Variants in NRIP3 observed in about 807,000 individuals in gnomAD.
NRIP3 encodes nuclear receptor-interacting protein 3.
NRIP3 carries 31 observed loss-of-function variants against 29.0 expected under a neutral mutation model. The ratio of observed to expected loss-of-function variants is 1.07; its 90% confidence interval spans 0.80 to 1.44. The LOEUF (loss-of-function observed/expected upper bound fraction) is 1.44, where lower values mean the gene tolerates loss of function less well. Ranked by LOEUF, NRIP3 falls within the 40% of genes most tolerant of loss-of-function variation. The pLI is 0.00. For synonymous variants in NRIP3, 131 were observed against 118.3 expected, an observed-to-expected ratio of 1.11 and a Z score of -0.70; for missense variants, 314 against 297.9, an observed-to-expected ratio of 1.05 and a Z score of -0.40.
chr11:8,990,348 A>G (rs1335495937), intron 1 of NRIP3, among the ~76,000 whole-genome samples: 5 of 152,324 alleles, frequency 3.3e-5, no homozygotes, highest in East Asian at 1.9e-4. Context: ...TCCAAATACA[A>G]TAGACATTTT....
At chr11:8,993,549 C>T (rs1178055730) in intron 1 of NRIP3, among the ~76,000 whole-genome samples, 1 of 152,082 alleles carries the variant, frequency 6.6e-6, no homozygotes, top group Admixed American at 6.5e-5. Context: ...TGGCTTACAC[C>T]TGTAATCCCA....
intron 1 of NRIP3, among the ~76,000 whole-genome samples, chr11:8,991,174 G>A (rs894952456): frequency 3.3e-5 from 5 of 151,934 alleles, no homozygotes; most frequent in Non-Finnish European, 5.9e-5. Context: ...GGTGGTGGGC[G>A]CCTGTAGTCC....
chr11:8,983,422 T>G lies in NRIP3; in HGVS notation c.*123A>C, dbSNP rs1854454399. On this transcript the variant is annotated 3_prime_UTR_variant, in exon 7 of 7. Transcript: ENST00000309166. ...TGAATGGGAAGGAGCCCCTGGAGCT[T>G]CTATTAGATGGAAGGACTTGGTCCA... 1.2e-6 allele frequency: 1 copy of G among 814,892 alleles called. No individual in the cohort carries two copies. The highest frequency in any genetic ancestry group is 1.7e-5 in the African/African-American group (1 of 57,654). 50.5% of individuals were successfully genotyped at this position (814,892 alleles called of 1,614,324 possible). A position where few individuals can be genotyped will look rare whatever the true frequency, so the allele number is the denominator to read the frequency against.
chr11:8,981,517 C>T lies in NRIP3; in HGVS notation c.*2028G>A, dbSNP rs1292141057. 6.6e-6 allele frequency: 1 copy of T among 151,468 alleles called. No homozygotes were observed. The highest frequency in any genetic ancestry group is 2.4e-5 in the African/African-American group (1 of 41,082). 9.4% of individuals were successfully genotyped at this position (151,468 alleles called of 1,614,324 possible). A position where few individuals can be genotyped will look rare whatever the true frequency, so the allele number is the denominator to read the frequency against. On this transcript the variant is annotated 3_prime_UTR_variant, in exon 7 of 7. Coordinates refer to ENST00000309166, the MANE Select transcript of NRIP3 (RefSeq NM_020645.3). ...ACCAGCAGGAACCTTCAACATGCCT[C>T]ACTGTGGCTAAGAGTCAAGGCTCAG...
chr11:9,002,459 A>G (rs1217766715), intron 1 of NRIP3, among the ~76,000 whole-genome samples: 1 of 151,996 alleles, frequency 6.6e-6, no homozygotes, highest in Non-Finnish European at 1.5e-5. Flanking sequence ...ACAACTTGTA[A>G]AAAAAACAGA....
chr11:8,998,467 C>G (rs1854745398), intron 1 of NRIP3, among the ~76,000 whole-genome samples: 1 of 152,174 alleles, frequency 6.6e-6, no homozygotes, highest in Admixed American at 6.5e-5. Context: ...ACCAGATAAC[C>G]TGTAAAATTC....
rs1307321810 is a variant in NRIP3, at chr11:8,981,493, C to T, written c.*2052G>A. The T allele has an allele frequency of 6.9e-6, 1 of 144,180 alleles. No individual in the cohort carries two copies. The highest frequency in any genetic ancestry group is 2.5e-5 in the African/African-American group (1 of 39,330). The allele number at this position is 144,180 out of a possible 1,614,324, so 8.9% of individuals were successfully genotyped here. A position where few individuals can be genotyped will look rare whatever the true frequency, so the allele number is the denominator to read the frequency against. ...AAAAAAAAAAAAAAAAAAGAATAAA[C>T]CAGCAGGAACCTTCAACATGCCTCA... On this transcript the variant is annotated 3_prime_UTR_variant, in exon 7 of 7. Transcript: ENST00000309166.
At chr11:8,990,177 G>A (rs916187191) in intron 1 of NRIP3, among the ~76,000 whole-genome samples, 1 of 152,122 alleles carries the variant, frequency 6.6e-6, no homozygotes, top group Non-Finnish European at 1.5e-5. Flanking sequence ...TCCACAAAAT[G>A]TCAGATCCTG....
intron 3 of NRIP3, among the ~76,000 whole-genome samples, chr11:8,986,078 C>T (rs1340253295): frequency 6.6e-6 from 1 of 152,192 alleles, no homozygotes; most frequent in Non-Finnish European, 1.5e-5. Flanking sequence ...AACCTTACAT[C>T]ACTTATGTGT....
intron 3 of NRIP3, among the ~76,000 whole-genome samples, chr11:8,987,255 C>T (rs950804872): frequency 1.3e-5 from 2 of 152,150 alleles, no homozygotes; most frequent in Non-Finnish European, 2.9e-5. Flanking sequence ...GCAGGGCACA[C>T]AATGAGCCAG....
intron 1 of NRIP3, 61 bp downstream of exon 1, chr11:9,003,701 C>T (rs1417246072): frequency 3.7e-6 from 5 of 1,349,216 alleles, no homozygotes; most frequent in Admixed American, 3.9e-5. Context: ...ACGGCCGGGC[C>T]TCGGAAAACG....
rs1854403860 is a variant in NRIP3, at chr11:8,980,840, C to T, written c.*2705G>A. On this transcript the variant is annotated 3_prime_UTR_variant, in exon 7 of 7. Coordinates refer to ENST00000309166, the MANE Select transcript of NRIP3 (RefSeq NM_020645.3). ...TGTACCAGGTAGGGTCTGTGCAGGG[C>T]AAGAAAATAGAAAGAAGTCAGAAAA... 1 of 152,100 alleles carries T rather than the reference C, an allele frequency of 6.6e-6. No individual in the cohort carries two copies. Among genetic ancestry groups the T allele is most frequent in the African/African-American group, 2.4e-5 (1 of 41,418 alleles). The allele number at this position is 152,100 out of a possible 1,614,324, so 9.4% of individuals were successfully genotyped here.
intron 1 of NRIP3, among the ~76,000 whole-genome samples, chr11:9,000,963 G>C (rs745616703): frequency 6.6e-6 from 1 of 152,070 alleles, no homozygotes; most frequent in Non-Finnish European, 1.5e-5. Context: ...TAGCTACTCA[G>C]GAGGTTGAGG....
intron 4 of NRIP3, among the ~76,000 whole-genome samples, chr11:8,984,553 G>A (rs139863013): frequency 0.026 from 3,936 of 152,160 alleles, 179 homozygotes; most frequent in African/African-American, 0.091. Flanking sequence ...ATGAGCCACC[G>A]CGCCTGGCCG....
Position 8,982,374 on chromosome 11 carries a change from G to A in NRIP3, c.*1171C>T, listed in dbSNP as rs78342469. ...TGAAAATGTCATTCCCTGCCTCCCA[G>A]AAAGGTTTATCTAGATAGGCCTCTC... On this transcript the variant is annotated 3_prime_UTR_variant, in exon 7 of 7. Transcript: ENST00000309166. 4 of 152,494 alleles carry A rather than the reference G, an allele frequency of 2.6e-5. No individual in the cohort carries two copies. The highest frequency in any genetic ancestry group is 9.6e-5 in the African/African-American group (4 of 41,456). 9.4% of individuals were successfully genotyped at this position (152,494 alleles called of 1,614,324 possible).
At position 9,001,722 on chromosome 11, in the gene NRIP3, AAGAGAGTTTAAGCATGCT is replaced by A. The variant is rs1566141663; in HGVS notation, c.174+2022_174+2039del. ...GTACTAAGGCTGCAACAACAGTTCC[AAGAGAGTTTAAGCATGCT>A]GCCTCACCCCAGCGCTTGCGGCTCT... On this transcript the variant is annotated intron_variant, in intron 1 of 6. Coordinates refer to ENST00000309166, the MANE Select transcript of NRIP3 (RefSeq NM_020645.3). 6.6e-5 allele frequency among the ~76,000 whole-genome samples: 10 copies of A among 151,672 alleles called. 1 individual carries two copies. The highest frequency in any genetic ancestry group is 2.4e-4 in the African/African-American group (10 of 40,902).
At chr11:9,000,197 A>G (rs963854050) in intron 1 of NRIP3, among the ~76,000 whole-genome samples, 3 of 152,206 alleles carry the variant, frequency 2.0e-5, no homozygotes, top group Non-Finnish European at 2.9e-5. Flanking sequence ...CTTAGCCCCT[A>G]GACTGTGTCC....
chr11:8,988,093 G>A, intron 2 of NRIP3, 25 bp downstream of exon 2: 3 of 1,610,762 alleles, frequency 1.9e-6, no homozygotes, highest in South Asian at 1.1e-5. Flanking sequence ...AGAAAACCCT[G>A]GAAAAGCTGT....
chr11:8,988,154 C>T lies in NRIP3; in HGVS notation c.303G>A (p.Lys101=). Residue 101 remains lysine, a synonymous_variant, in exon 2 of 7, where the codon AAG becomes AAA. Transcript: ENST00000309166. The stretch of plus-strand genomic sequence containing the variant: ...CCAAAATCATGTCATCCTCCTCAGA[C>T]TTCTTTAGCCCCTCAGACTTAGCCT... The part of the protein sequence containing the change: ...LNQAKSEGLK[K]SEEDDMILVS... 5.6e-6 allele frequency: 9 copies of T among 1,614,190 alleles called. No homozygotes were observed. The highest frequency in any genetic ancestry group is 7.6e-6 in the Non-Finnish European group (9 of 1,180,018).
Sources: gnomAD v4.1 joint callset for allele counts (sites outside exome capture counted in the v4.1 genomes callset) on GRCh38, gnomAD v4.1.1 for gene constraint, MANE v1.5 for transcripts, NCBI Gene and HGNC (gene_info 2026-07-23, HGNC 2026-07-21) for gene names.